Variants in ARNT2 observed in about 807,000 individuals in gnomAD.
ARNT2 encodes the protein aryl hydrocarbon receptor nuclear translocator 2, also known as ARNT protein 2.
ARNT2 carries 36 observed loss-of-function variants against 91.7 expected under a neutral mutation model. That is an observed-to-expected ratio of 0.39 (90% confidence interval 0.30 to 0.52). The LOEUF (loss-of-function observed/expected upper bound fraction) is 0.52, where lower values mean the gene tolerates loss of function less well. ARNT2 is among the 20% of genes least tolerant of loss of function. ARNT2 has a pLI of 0.72. For missense variants in ARNT2, 775 were observed against 939.3 expected, an observed-to-expected ratio of 0.83 and a Z score of 2.29; for synonymous variants, 365 against 347.1, an observed-to-expected ratio of 1.05 and a Z score of -0.57.
At chr15:80,475,295 C>T in intron 5 of ARNT2, 72 bp downstream of exon 5, 1 of 1,506,406 alleles carries the variant, frequency 6.6e-7, no homozygotes. Flanking sequence ...TGGCTCACGC[C>T]TGTAATCCCA....
intron 1 of ARNT2, among the ~76,000 whole-genome samples, chr15:80,409,546 C>G (rs908418401): frequency 6.6e-6 from 1 of 151,704 alleles, no homozygotes; most frequent in Non-Finnish European, 1.5e-5. Flanking sequence ...GGGGCTAATA[C>G]TTACTGAGTA....
chr15:80,523,741 G>C (rs750263840), intron 8 of ARNT2, among the ~76,000 whole-genome samples: 2 of 152,258 alleles, frequency 1.3e-5, no homozygotes, highest in Non-Finnish European at 2.9e-5. Flanking sequence ...GAGGCCCAAG[G>C]TGCGGACAGG....
At chr15:80,530,685 T>G (rs765518508) in intron 8 of ARNT2, among the ~76,000 whole-genome samples, 4 of 152,160 alleles carry the variant, frequency 2.6e-5, no homozygotes, top group Non-Finnish European at 4.4e-5. Flanking sequence ...ATCAGTTCAA[T>G]CTGTTGAGCC....
In ARNT2 at chr15:80,495,411, T is replaced by C. The variant is rs182909915; in HGVS notation, c.623-12745T>C. Among the ~76,000 whole-genome samples, 14 of 152,356 alleles carry C rather than the reference T, an allele frequency of 9.2e-5. No individual in the cohort carries two copies. In the East Asian group the frequency reaches 2.7e-3, roughly 29 times the overall value. On this transcript the variant is annotated intron_variant, in intron 5 of 18. Coordinates refer to ENST00000303329, the MANE Select transcript of ARNT2 (RefSeq NM_014862.4). The stretch of plus-strand genomic sequence containing the variant: ...TCTTTTCCTGAATGTTGGATATGAA[T>C]GCTAATCTTACAGGTTTTTTGCTCC...
chr15:80,408,852 A>T (rs967519013), intron 1 of ARNT2, among the ~76,000 whole-genome samples: 1 of 152,066 alleles, frequency 6.6e-6, no homozygotes, highest in Non-Finnish European at 1.5e-5. Context: ...AGATTTATTT[A>T]TTCCTTCAGT....
intron 11 of ARNT2, 129 bp downstream of exon 11, chr15:80,555,268 C>T: frequency 1.1e-6 from 1 of 884,550 alleles, no homozygotes; most frequent in Admixed American, 2.2e-5. Context: ...CACTCAGGGC[C>T]CCTGCTAGGA....
intron 8 of ARNT2, among the ~76,000 whole-genome samples, chr15:80,528,419 A>T (rs1188178194): frequency 2.1e-5 from 3 of 145,534 alleles, no homozygotes; most frequent in East Asian, 4.1e-4. Flanking sequence ...TCTATTTATC[A>T]TCTATCTATC....
chr15:80,559,927 A>T (rs1166243193), intron 11 of ARNT2: 1 of 152,420 alleles, frequency 6.6e-6, no homozygotes, highest in Non-Finnish European at 1.5e-5. Context: ...GGACAATGTC[A>T]CCTGCACCAT....
chr15:80,518,277 CTTT>C, intron 8 of ARNT2, among the ~76,000 whole-genome samples: 1 of 89,376 alleles, frequency 1.1e-5, no homozygotes, highest in Admixed American at 1.5e-4. Context: ...TTTTTCTATT[CTTT>C]TTTTTTTTTT....
intron 6 of ARNT2, among the ~76,000 whole-genome samples, chr15:80,511,134 C>T (rs1897334423): frequency 6.6e-6 from 1 of 152,044 alleles, no homozygotes; most frequent in South Asian, 2.1e-4. Context: ...CCTAAATGGC[C>T]ATCAGTGATA....
Position 80,593,712 on chromosome 15 carries a change from G to A in ARNT2, c.*14G>A. On this transcript the variant is annotated 3_prime_UTR_variant, in exon 19 of 19. Coordinates refer to ENST00000303329, the MANE Select transcript of ARNT2 (RefSeq NM_014862.4). ...TTTTCTGAGTAGCTGCGGCCAGAGTGAGGCTCCTGCTGTACAGTGCCACCC... is the reference window on the plus strand; with the variant it reads ...TTTTCTGAGTAGCTGCGGCCAGAGTAAGGCTCCTGCTGTACAGTGCCACCC... 1 of 1,589,706 alleles carries A rather than the reference G, an allele frequency of 6.3e-7. No individual in the cohort carries two copies. Among genetic ancestry groups the A allele is most frequent in the Non-Finnish European group, 8.6e-7 (1 of 1,164,592 alleles).
chr15:80,562,995 C>G, intron 11 of ARNT2, 93 bp from the exon 12 acceptor site: 1 of 1,438,986 alleles, frequency 6.9e-7, no homozygotes, highest in Non-Finnish European at 9.7e-7. Context: ...TCCTGCTGGC[C>G]CCTGCCGCAA....
chr15:80,424,227 G>A (rs1895902856), intron 1 of ARNT2, among the ~76,000 whole-genome samples: 1 of 152,204 alleles, frequency 6.6e-6, no homozygotes, highest in African/African-American at 2.4e-5. Context: ...GACTGTGGGT[G>A]AGAGAGGGAA....
chr15:80,489,493 C>T (rs1353482005), intron 5 of ARNT2, among the ~76,000 whole-genome samples: 7 of 152,186 alleles, frequency 4.6e-5, no homozygotes, highest in Non-Finnish European at 8.8e-5. Context: ...TTTACAATGC[C>T]ACTCTTTAAC....
At position 80,555,077 on chromosome 15, in the gene ARNT2, A is replaced by C; in HGVS notation, c.1102A>C (p.Lys368Gln). The C allele has an allele frequency of 6.2e-7, 1 of 1,614,196 alleles. No individual in the cohort carries two copies. The highest frequency in any genetic ancestry group is 1.1e-5 in the South Asian group (1 of 91,082). ...IGYQPQDLLG[K>Q]DILEFCHPED... The stretch of plus-strand genomic sequence containing the variant: ...CTCTTTTATTTAGGATCTTCTGGGA[A>C]AGGACATTTTGGAATTCTGCCACCC... The change falls in exon 11 of 19, where the codon AAG becomes CAG. Residue 368 changes from lysine to glutamine, a missense_variant. Physicochemically the swap from Lys to Gln is moderately conservative, Grantham distance 53. Around this residue, in one of 5 missense-constraint regions of ARNT2, gnomAD observed 285 missense variants for 327.2 expected, o/e 0.87. Coordinates refer to ENST00000303329, the MANE Select transcript of ARNT2 (RefSeq NM_014862.4).
intron 1 of ARNT2, among the ~76,000 whole-genome samples, chr15:80,415,473 A>T (rs1472598283): frequency 6.6e-6 from 1 of 152,198 alleles, no homozygotes; most frequent in African/African-American, 2.4e-5. Context: ...TCCAAATGCA[A>T]CAGGAGGCCA....
chr15:80,443,118 C>G, intron 1 of ARNT2: 1 of 771,396 alleles, frequency 1.3e-6, no homozygotes, highest in Non-Finnish European at 1.6e-6. Flanking sequence ...GATATTTGAG[C>G]AAAATCTAAA....
intron 4 of ARNT2, 30 bp downstream of exon 4, chr15:80,470,461 A>G (rs777491858): frequency 2.2e-5 from 36 of 1,605,212 alleles, no homozygotes; most frequent in Non-Finnish European, 3.0e-5. Context: ...ACCATTGGAA[A>G]GCGGGGGGAA....
intron 1 of ARNT2, among the ~76,000 whole-genome samples, chr15:80,447,272 T>G (rs1367200321): frequency 1.3e-5 from 2 of 152,118 alleles, no homozygotes; most frequent in Admixed American, 1.3e-4. Flanking sequence ...TGCATGAATA[T>G]TCTAATGTCT....
Sources: allele counts gnomAD v4.1 joint callset (sites outside exome capture counted in the v4.1 genomes callset), GRCh38; gene constraint gnomAD v4.1.1; regional missense constraint gnomAD v4.1.1; transcripts MANE v1.5; gene names NCBI Gene and HGNC (gene_info 2026-07-23, HGNC 2026-07-21).